ZFHX3: variants seen among roughly 807,000 people sequenced by gnomAD.
The protein encoded by ZFHX3 is zinc finger homeobox 3.
In ZFHX3, 42 loss-of-function variants were observed where a neutral mutation model predicts 279.1. That is an observed-to-expected ratio of 0.15 (90% CI 0.12 to 0.19). The LOEUF is 0.19. ZFHX3 is among the 10% of genes least tolerant of loss of function. ZFHX3 has a pLI of 1.00. For missense variants in ZFHX3, 4,981 were observed against 4,754.0 expected (o/e 1.05, Z -1.40); for synonymous variants, 2,293 against 1,957.8 (o/e 1.17, Z -4.52).
At chr16:73,519,957 G>GT (rs2019585076) in intron 2 of ZFHX3, among the ~76,000 whole-genome samples, 1 of 152,086 alleles carries the variant, frequency 6.6e-6, no homozygotes, top group Non-Finnish European at 1.5e-5. Context: ...ACTTATGCCT[G>GT]TTTTTTTAGA....
intron 2 of ZFHX3, among the ~76,000 whole-genome samples, chr16:73,555,992 T>C (rs1477168813): frequency 1.3e-5 from 2 of 152,116 alleles, no homozygotes; most frequent in Non-Finnish European, 2.9e-5. Context: ...CATGTCCCTT[T>C]CTTAAATGCA....
intron 4 of ZFHX3, among the ~76,000 whole-genome samples, chr16:73,285,896 T>C (rs909270453): frequency 2.0e-5 from 3 of 152,342 alleles, no homozygotes; most frequent in Non-Finnish European, 1.5e-5. Flanking sequence ...CAGAAGCCTC[T>C]CTGGCTGACT....
chr16:73,629,737 G>A (rs751738442), intron 2 of ZFHX3, among the ~76,000 whole-genome samples: 4 of 152,096 alleles, frequency 2.6e-5, no homozygotes, highest in Non-Finnish European at 5.9e-5. Flanking sequence ...ATAAAGAGAT[G>A]AATTTAAGGC....
At chr16:73,635,398 C>T (rs2052518446) in intron 2 of ZFHX3, among the ~76,000 whole-genome samples, 1 of 152,146 alleles carries the variant, frequency 6.6e-6, no homozygotes, top group Non-Finnish European at 1.5e-5. Flanking sequence ...TACTCAAGTT[C>T]TCAGCCCAAG....
chr16:73,489,459 T>C (rs968290853), intron 2 of ZFHX3, among the ~76,000 whole-genome samples: 1 of 152,216 alleles, frequency 6.6e-6, no homozygotes, highest in Non-Finnish European at 1.5e-5. Context: ...TCCAGCATAA[T>C]TCATAGAAGC....
At chr16:72,826,116 C>G (rs988028179) in intron 5 of ZFHX3, among the ~76,000 whole-genome samples, 2 of 152,152 alleles carry the variant, frequency 1.3e-5, no homozygotes, top group Non-Finnish European at 2.9e-5. Context: ...GGAATTGACC[C>G]AACCTCAGTT....
intron 1 of ZFHX3, among the ~76,000 whole-genome samples, chr16:73,771,402 T>A (rs567504075): frequency 1.3e-5 from 2 of 152,134 alleles, no homozygotes; most frequent in African/African-American, 4.8e-5. Flanking sequence ...AAAACAAGCA[T>A]GCAGATGAGG....
intron 1 of ZFHX3, among the ~76,000 whole-genome samples, chr16:73,764,592 G>C (rs1444066054): frequency 6.6e-6 from 1 of 152,150 alleles, no homozygotes; most frequent in African/African-American, 2.4e-5. Context: ...ATACAAAAGG[G>C]AATGATCCCT....
chr16:73,518,404 A>T (rs1224313035), intron 2 of ZFHX3, among the ~76,000 whole-genome samples: 3 of 152,206 alleles, frequency 2.0e-5, no homozygotes, highest in Non-Finnish European at 4.4e-5. Flanking sequence ...TGGTTCAATT[A>T]CCCTTTGCCA....
chr16:73,104,680 G>T (rs113782218), intron 7 of ZFHX3, among the ~76,000 whole-genome samples: 1 of 152,092 alleles, frequency 6.6e-6, no homozygotes, highest in Non-Finnish European at 1.5e-5. Flanking sequence ...GAACACACAG[G>T]GTCTCTAGAA....
In ZFHX3 at chr16:73,171,168, C is replaced by T. The variant is rs551389870; in HGVS notation, c.-1103-27337G>A. On this transcript the variant is annotated intron_variant, in intron 5 of 17. Coordinates refer to the ZFHX3 transcript ENST00000641206. ...TCTCTGTGTATTAGATTTCATCCCC[C>T]CAAAAAAGCCCTTTTTAAAAAGGGA... 7.0e-3 allele frequency among the ~76,000 whole-genome samples: 1,063 copies of T among 152,090 alleles called. 9 individuals carry two copies. The highest frequency in any genetic ancestry group is 9.5e-3 in the Non-Finnish European group (644 of 67,988).
intron 1 of ZFHX3, among the ~76,000 whole-genome samples, chr16:73,040,787 A>G (rs1039930264): frequency 1.3e-5 from 2 of 152,240 alleles, no homozygotes; most frequent in Non-Finnish European, 2.9e-5. Flanking sequence ...CAATATCCGG[A>G]GAAGCTTTTC....
chr16:73,174,316 G>C (rs1967611356), intron 5 of ZFHX3, among the ~76,000 whole-genome samples: 1 of 150,210 alleles, frequency 6.7e-6, no homozygotes, highest in Admixed American at 6.6e-5. Flanking sequence ...AACAAAAGGA[G>C]GAATAAGGGC....
rs866120404 is a variant in ZFHX3, at chr16:73,682,932, A to G, written c.-1607-2692T>C. ...AGAAAGAAAGAGAGAAAGAGAAAGA[A>G]AGAAAGAAAGAAAGAAAGAAAGAAA... On this transcript the variant is annotated intron_variant, in intron 1 of 17. Transcript: ENST00000641206. 4.0e-3 allele frequency among the ~76,000 whole-genome samples: 71 copies of G among 17,668 alleles called. 5 individuals carry two copies. Among genetic ancestry groups the G allele is most frequent in the East Asian group, 0.01 (2 of 200 alleles). The allele number at this position is 17,668 out of a possible 152,430, so 11.6% of individuals were successfully genotyped here.
chr16:72,873,314 T>C (rs2038213309), intron 4 of ZFHX3, among the ~76,000 whole-genome samples: 1 of 152,236 alleles, frequency 6.6e-6, no homozygotes, highest in South Asian at 2.1e-4. Flanking sequence ...GGGGAAAGAA[T>C]GCCTCTGAAT....
At chr16:73,329,727 G>C (rs2015763939) in intron 3 of ZFHX3, among the ~76,000 whole-genome samples, 1 of 152,176 alleles carries the variant, frequency 6.6e-6, no homozygotes, top group Admixed American at 6.5e-5. Flanking sequence ...GAGAAGGGGG[G>C]AGTTGGGATT....
rs760988899 is a variant in ZFHX3, at chr16:72,959,970, T to G, written c.176A>C (p.Glu59Ala). The change falls in exon 2 of 10, where the codon GAG becomes GCG. Residue 59 changes from glutamate (E) to alanine (A), a missense_variant. Glu to Ala is a moderately radical substitution (Grantham distance 107). Around this residue, in one of 7 missense-constraint regions of ZFHX3, gnomAD observed 1,068 missense variants for 935.2 expected, o/e 1.14. Coordinates refer to ENST00000268489, the MANE Select transcript of ZFHX3 (RefSeq NM_006885.4). ...CGACGCGGTGCTCTCCGCGAGGCGC[T>G]CATTGAAGGGGGCCCTCAGGCTGTC... ...PLDSLRAPFN[E>A]RLAESTASAG... The G allele has an allele frequency of 3.7e-6, 6 of 1,611,132 alleles. No individual in the cohort carries two copies. The Admixed American group carries it at 5.0e-5, about 14-fold the overall frequency.
intron 3 of ZFHX3, among the ~76,000 whole-genome samples, chr16:73,452,270 G>C (rs904681852): frequency 6.6e-6 from 1 of 152,114 alleles, no homozygotes; most frequent in African/African-American, 2.4e-5. Context: ...TAAGCCATAG[G>C]TCAAAAATAG....
chr16:73,195,848 G>T (rs748999828), intron 5 of ZFHX3, among the ~76,000 whole-genome samples: 6 of 152,180 alleles, frequency 3.9e-5, no homozygotes, highest in Non-Finnish European at 8.8e-5. Context: ...GAACAGGTGG[G>T]AGAGAAGCGG....
Sources: allele counts gnomAD v4.1 joint callset (sites outside exome capture counted in the v4.1 genomes callset), GRCh38; gene constraint gnomAD v4.1.1; regional missense constraint gnomAD v4.1.1; transcripts MANE v1.5; gene names NCBI Gene and HGNC (gene_info 2026-07-23, HGNC 2026-07-21).